The following DLC1 variants were observed in gnomAD, a reference collection of about 807,000 sequenced individuals.
The protein encoded by DLC1 is rho GTPase-activating protein 7.
Under a neutral mutation model 140.3 loss-of-function variants are expected in DLC1, and 54 were observed. That is an observed-to-expected ratio of 0.38 (90% CI 0.31 to 0.48). DLC1 has a LOEUF of 0.48. Ranked by LOEUF, DLC1 falls within the 20% of genes least tolerant of loss-of-function variation. DLC1 has a pLI of 0.96. For missense variants in DLC1, 2,536 were observed against 1,907.0 expected (o/e 1.33, Z -6.14); for synonymous variants, 986 against 728.1 (o/e 1.35, Z -5.70).
At chr8:13,513,602 C>A (rs912232119) in intron 1 of DLC1, among the ~76,000 whole-genome samples, 4 of 151,710 alleles carry the variant, frequency 2.6e-5, no homozygotes, top group Non-Finnish European at 5.9e-5. Flanking sequence ...CTTTATGTAC[C>A]ATTTTATTTC....
At chr8:13,326,457 A>C (rs1833351966) in intron 4 of DLC1, among the ~76,000 whole-genome samples, 1 of 152,150 alleles carries the variant, frequency 6.6e-6, no homozygotes, top group Non-Finnish European at 1.5e-5. Flanking sequence ...AGGACATATA[A>C]TTGTGCATAT....
chr8:13,146,507 T>C (rs1823451237), intron 5 of DLC1, among the ~76,000 whole-genome samples: 1 of 151,872 alleles, frequency 6.6e-6, no homozygotes, highest in African/African-American at 2.4e-5. Context: ...CCTATTTTCT[T>C]CTTTGTATTG....
chr8:13,562,737 C>T (rs969829082), intron 1 of DLC1, among the ~76,000 whole-genome samples: 18 of 151,998 alleles, frequency 1.2e-4, no homozygotes, highest in Non-Finnish European at 2.4e-4. Flanking sequence ...AAATATATCT[C>T]CACAGATACA....
intron 1 of DLC1, among the ~76,000 whole-genome samples, chr8:13,575,114 A>G (rs1206812882): frequency 2.0e-5 from 3 of 152,218 alleles, no homozygotes; most frequent in Non-Finnish European, 4.4e-5. Flanking sequence ...GAAATTTTCC[A>G]ACTGGCAGTC....
At position 13,099,637 on chromosome 8, in the gene DLC1, C is replaced by T. The variant is rs942442451; in HGVS notation, c.2700G>A (p.Glu900=). The change falls in exon 9 of 18, where the codon GAG becomes GAA. Residue 900 remains glutamate, a synonymous_variant. Transcript: ENST00000276297. ...TGTCGTCCAGCTCGGGGAAGATGTC[C>T]TCGTTCTCCAGATCCGCCAGGTCCC... ...SSGDLADLEN[E]DIFPELDDIL... 1 of 1,614,180 alleles carries T rather than the reference C, an allele frequency of 6.2e-7. No homozygotes were observed. The highest frequency in any genetic ancestry group is 8.5e-7 in the Non-Finnish European group (1 of 1,180,034).
Position 13,499,321 on chromosome 8 carries a change from T to A in DLC1, c.751A>T (p.Asn251Tyr). Reference sequence around the variant, plus strand: ...TCCAAGAACTCATTTTGTACTACATTGCAGGTGCTTCTTTCATTTTCATCT... The same window carrying A: ...TCCAAGAACTCATTTTGTACTACATAGCAGGTGCTTCTTTCATTTTCATCT... Reference protein sequence around the residue: ...PKDENERSTCNVVQNEFLDTP... With the variant: ...PKDENERSTCYVVQNEFLDTP... Residue 251 changes from asparagine to tyrosine, a missense_variant, in exon 2 of 18, where the codon AAT (asparagine) becomes TAT (tyrosine). By Grantham distance (143) the Asn-to-Tyr change is moderately radical (BLOSUM62 -2). Coordinates refer to ENST00000276297, the MANE Select transcript of DLC1 (RefSeq NM_182643.3). 1 of 1,614,114 alleles carries A rather than the reference T, an allele frequency of 6.2e-7. No homozygotes were observed. Among genetic ancestry groups the A allele is most frequent in the African/African-American group, 1.3e-5 (1 of 75,048 alleles).
In DLC1 at chr8:13,088,220, CA is replaced by C. The variant is rs56718000; in HGVS notation, c.4292+266del. Among the ~76,000 whole-genome samples the C allele has an allele frequency of 4.7e-3, 715 of 152,322 alleles. 14 individuals carry two copies. The highest frequency in any genetic ancestry group is 0.046 in the East Asian group (236 of 5,178). On this transcript the variant is annotated intron_variant, in intron 16 of 17. Coordinates refer to ENST00000276297, the MANE Select transcript of DLC1 (RefSeq NM_182643.3). ...TCGGCCTCCCGAGTAGCTAGGACTA[CA>C]GGCATGCACCACAACATCTAGCTGA...
intron 2 of DLC1, among the ~76,000 whole-genome samples, chr8:13,453,436 A>ATG (rs1162604275): frequency 1.6e-4 from 4 of 24,390 alleles, no homozygotes; most frequent in South Asian, 1.4e-3. Context: ...GTATATATAT[A>ATG]TGTATATATA....
In DLC1 at chr8:13,544,978, C is replaced by A. The variant is rs549855237; in HGVS notation, c.-125-44782G>T. Among the ~76,000 whole-genome samples, 4 of 152,122 alleles carry A rather than the reference C, an allele frequency of 2.6e-5. 1 individual carries two copies. The South Asian group carries it at 8.3e-4, about 32-fold the overall frequency. On this transcript the variant is annotated intron_variant, in intron 1 of 1. Coordinates refer to the DLC1 transcript ENST00000631382. ...TACATAGACTCCAAGTTTAATAGCA[C>A]CCCCCCTGGAACTGTGCAGTACTGC...
intron 5 of DLC1, among the ~76,000 whole-genome samples, chr8:13,247,653 T>C (rs1160028615): frequency 2.0e-5 from 3 of 152,212 alleles, no homozygotes; most frequent in Admixed American, 6.5e-5. Context: ...TGTCGCATGA[T>C]ACCGTTTCCC....
intron 4 of DLC1, chr8:13,341,248 T>A (rs1395837027): frequency 6.6e-6 from 1 of 152,160 alleles, no homozygotes; most frequent in Non-Finnish European, 1.5e-5. Context: ...AGCTTGATGA[T>A]CCTACCATAT....
intron 5 of DLC1, among the ~76,000 whole-genome samples, chr8:13,167,536 T>G (rs753819103): frequency 2.0e-5 from 3 of 152,212 alleles, no homozygotes; most frequent in African/African-American, 7.2e-5. Flanking sequence ...AAGCTGCTAT[T>G]TGTGGCTCTT....
At position 13,567,216 on chromosome 8, in the gene DLC1, C is replaced by G. The variant is rs374090541; in HGVS notation, c.-126+37321G>C. The stretch of plus-strand genomic sequence containing the variant: ...GAGACACACAATCTGAGCTTTTGGA[C>G]TATAAAAATTATGAAAAGAAGTTGA... On this transcript the variant is annotated intron_variant, in intron 1 of 1. Transcript: ENST00000631382. The G allele has an allele frequency of 5.2e-6, 8 of 1,551,494 alleles. No homozygotes were observed. In the African/African-American group the frequency reaches 9.6e-5, roughly 19 times the overall value.
chr8:13,111,215 C>G (rs533521856), intron 6 of DLC1, among the ~76,000 whole-genome samples: 1 of 152,108 alleles, frequency 6.6e-6, no homozygotes, highest in East Asian at 1.9e-4. Flanking sequence ...TCTTTGCTCA[C>G]GTGTGATCAG....
At chr8:13,580,237 C>G (rs1269032351) in intron 1 of DLC1, among the ~76,000 whole-genome samples, 1 of 151,990 alleles carries the variant, frequency 6.6e-6, no homozygotes, top group Non-Finnish European at 1.5e-5. Flanking sequence ...ATTCTCCTGC[C>G]TCAGCCTCCC....
chr8:13,472,434 A>G (rs553882982), intron 2 of DLC1, among the ~76,000 whole-genome samples: 1 of 152,296 alleles, frequency 6.6e-6, no homozygotes, highest in East Asian at 1.9e-4. Context: ...CTTACTCCAA[A>G]CTGTTTGAAA....
chr8:13,141,861 A>C (rs989930507), intron 5 of DLC1, among the ~76,000 whole-genome samples: 2 of 152,172 alleles, frequency 1.3e-5, no homozygotes, highest in South Asian at 2.1e-4. Context: ...CAAGGCAACG[A>C]ATTACACATT....
At position 13,216,906 on chromosome 8, in the gene DLC1, T is replaced by C. The variant is rs142686150; in HGVS notation, c.1348+88363A>G. Among the ~76,000 whole-genome samples the C allele has an allele frequency of 2.1e-3, 316 of 152,276 alleles. 2 individuals carry two copies. The highest frequency in any genetic ancestry group is 7.2e-3 in the African/African-American group (301 of 41,568). ...CCACTGGCTTAACCTGTAATTGTTC[T>C]CTAATTGGGTGATGTGGGACAGGTG... On this transcript the variant is annotated intron_variant, in intron 5 of 17. Transcript: ENST00000276297.
At chr8:13,297,446 C>T (rs1196308900) in intron 5 of DLC1, among the ~76,000 whole-genome samples, 1 of 151,752 alleles carries the variant, frequency 6.6e-6, no homozygotes, top group Non-Finnish European at 1.5e-5. Flanking sequence ...CATAAAACAG[C>T]TGGGGGTCTT....
Sources: allele counts gnomAD v4.1 joint callset (sites outside exome capture counted in the v4.1 genomes callset), GRCh38; gene constraint gnomAD v4.1.1; transcripts MANE v1.5; gene names NCBI Gene and HGNC (gene_info 2026-07-23, HGNC 2026-07-21).